The following TMEM132B variants were observed in gnomAD, a reference collection of about 807,000 sequenced individuals.
TMEM132B encodes transmembrane protein 132B.
Under a neutral mutation model 90.8 loss-of-function variants are expected in TMEM132B, and 18 were observed. That is an observed-to-expected ratio of 0.20 (90% confidence interval 0.14 to 0.29). The LOEUF (loss-of-function observed/expected upper bound fraction) is 0.29, where lower values mean the gene tolerates loss of function less well. Among genes scored for constraint, TMEM132B ranks in the 10% least tolerant of loss-of-function variants. TMEM132B has a pLI of 1.00. For missense variants in TMEM132B, 1,096 were observed against 1,326.8 expected (o/e 0.83, Z 2.70); for synonymous variants, 504 against 523.3 (o/e 0.96, Z 0.50).
At chr12:125,205,981 C>G (rs1469104254) in intron 1 of TMEM132B, among the ~76,000 whole-genome samples, 1 of 152,142 alleles carries the variant, frequency 6.6e-6, no homozygotes, top group East Asian at 1.9e-4. Context: ...TCTAACCCTC[C>G]TGAATCTGGT....
intron 5 of TMEM132B, among the ~76,000 whole-genome samples, chr12:125,619,914 A>C (rs1363598201): frequency 6.6e-6 from 1 of 152,192 alleles, no homozygotes; most frequent in Non-Finnish European, 1.5e-5. Context: ...CCTCTGTATG[A>C]GGAGTTGCCA....
Position 125,496,725 on chromosome 12 carries a change from G to A in TMEM132B, c.1107-22714G>A, listed in dbSNP as rs191844942. ...GCCTTCATTCTCAGGTGCTCTTCAC[G>A]TGCTGGGAGCTTACCTCCTGCTAGT... is the stretch of plus-strand genomic sequence containing the variant. On this transcript the variant is annotated intron_variant, in intron 3 of 8. Transcript: ENST00000682704. Among the ~76,000 whole-genome samples, 9 of 152,262 alleles carry A rather than the reference G, an allele frequency of 5.9e-5. No homozygotes were observed. In the East Asian group the frequency reaches 7.8e-4, roughly 13 times the overall value.
intron 2 of TMEM132B, among the ~76,000 whole-genome samples, chr12:125,414,797 G>C (rs1433124102): frequency 6.6e-6 from 1 of 152,170 alleles, no homozygotes; most frequent in Non-Finnish European, 1.5e-5. Flanking sequence ...CATGGATGTT[G>C]TCCGTGGACT....
At chr12:125,307,554 T>C (rs993697268) in intron 1 of TMEM132B, among the ~76,000 whole-genome samples, 8 of 151,932 alleles carry the variant, frequency 5.3e-5, no homozygotes, top group African/African-American at 1.9e-4. Context: ...AAAAGCGAGA[T>C]AGGGTGTGCT....
intron 5 of TMEM132B, among the ~76,000 whole-genome samples, chr12:125,602,753 G>A (rs1335857722): frequency 6.6e-6 from 1 of 152,180 alleles, no homozygotes; most frequent in Non-Finnish European, 1.5e-5. Context: ...AAGCTGATAA[G>A]CAACTTCAGC....
chr12:125,543,355 C>T (rs1467662759), intron 4 of TMEM132B, among the ~76,000 whole-genome samples: 1 of 152,110 alleles, frequency 6.6e-6, no homozygotes, highest in Non-Finnish European at 1.5e-5. Flanking sequence ...ATAAACAATA[C>T]AAATTTAAAA....
intron 1 of TMEM132B, among the ~76,000 whole-genome samples, chr12:125,191,959 G>A (rs557129478): frequency 6.6e-5 from 10 of 152,288 alleles, no homozygotes; most frequent in African/African-American, 2.4e-4. Flanking sequence ...GTGCTGATGC[G>A]TGAGGCTGTT....
chr12:125,623,236 A>G (rs1886154837), intron 5 of TMEM132B, among the ~76,000 whole-genome samples: 1 of 152,186 alleles, frequency 6.6e-6, no homozygotes, highest in African/African-American at 2.4e-5. Flanking sequence ...AAATCTCCCT[A>G]TGCCATGAAA....
intron 1 of TMEM132B, among the ~76,000 whole-genome samples, chr12:125,257,127 C>T (rs1874454685): frequency 6.6e-6 from 1 of 152,074 alleles, no homozygotes; most frequent in Non-Finnish European, 1.5e-5. Flanking sequence ...CACTGGGAAA[C>T]ATAGCAAGAC....
At chr12:125,431,861 T>G (rs1012504452) in intron 3 of TMEM132B, among the ~76,000 whole-genome samples, 1 of 152,112 alleles carries the variant, frequency 6.6e-6, no homozygotes, top group African/African-American at 2.4e-5. Flanking sequence ...GGTCATGGGA[T>G]TCTTAGGGCT....
chr12:125,490,068 A>T lies in TMEM132B; in HGVS notation c.1107-29371A>T, dbSNP rs1467289096. Among the ~76,000 whole-genome samples the T allele has an allele frequency of 6.6e-6, 1 of 152,190 alleles. No individual in the cohort carries two copies. Among genetic ancestry groups the T allele is most frequent in the Non-Finnish European group, 1.5e-5 (1 of 68,016 alleles). On this transcript the variant is annotated intron_variant, in intron 3 of 8. Coordinates refer to ENST00000682704, the MANE Select transcript of TMEM132B (RefSeq NM_001366854.1). This position sits in a 1 kb window ranked among gnomAD's most constrained non-coding sequence, Gnocchi z 4.2. ...AAATTCCACGTATGATGTTTTAGTT[A>T]TGTTGGGGGGAGTTACTCCAGAGAT...
chr12:125,440,571 C>T (rs1393156600), intron 3 of TMEM132B, among the ~76,000 whole-genome samples: 1 of 152,104 alleles, frequency 6.6e-6, no homozygotes, highest in Non-Finnish European at 1.5e-5. Flanking sequence ...CCTTGCATCT[C>T]CCCCCTGATT....
intron 4 of TMEM132B, among the ~76,000 whole-genome samples, chr12:125,530,384 G>A (rs1393119531): frequency 4.6e-5 from 7 of 152,050 alleles, no homozygotes; most frequent in Admixed American, 1.3e-4. Context: ...CATCTGGTTT[G>A]GGGGTGGGAA....
intron 1 of TMEM132B, among the ~76,000 whole-genome samples, chr12:125,261,816 T>C (rs1874574055): frequency 6.6e-6 from 1 of 152,092 alleles, no homozygotes; most frequent in African/African-American, 2.4e-5. Context: ...TTATTTCCCC[T>C]AAGCAGGAGA....
chr12:125,195,394 GTTTTTTTTT>G (rs36005995), intron 1 of TMEM132B, among the ~76,000 whole-genome samples: 1 of 89,906 alleles, frequency 1.1e-5, no homozygotes, highest in Admixed American at 1.5e-4. Flanking sequence ...GGGTTTGCGG[GTTTTTTTTT>G]TTTTTTTTTT....
chr12:125,203,355 C>G (rs1873109129), intron 1 of TMEM132B, among the ~76,000 whole-genome samples: 1 of 152,172 alleles, frequency 6.6e-6, no homozygotes, highest in Admixed American at 6.5e-5. Context: ...CCCCTAGAGG[C>G]AGTGCACAGC....
chr12:125,315,584 A>G (rs994082005), intron 1 of TMEM132B, among the ~76,000 whole-genome samples: 1 of 152,156 alleles, frequency 6.6e-6, no homozygotes, highest in African/African-American at 2.4e-5. Flanking sequence ...AATCCTCATG[A>G]TAGCCCCGAT....
At chr12:125,467,578 G>A (rs1881600216) in intron 3 of TMEM132B, among the ~76,000 whole-genome samples, 1 of 152,166 alleles carries the variant, frequency 6.6e-6, no homozygotes, top group Admixed American at 6.5e-5. Flanking sequence ...GTGAAGAAAT[G>A]CTTTTGTTTT....
chr12:125,520,311 T>C (rs1269404747), intron 4 of TMEM132B, among the ~76,000 whole-genome samples: 1 of 152,174 alleles, frequency 6.6e-6, no homozygotes, highest in African/African-American at 2.4e-5. Context: ...TTAATACCCT[T>C]TTCCACACTG....
Sources: gnomAD v4.1 joint callset for allele counts (sites outside exome capture counted in the v4.1 genomes callset) on GRCh38, gnomAD v4.1.1 for gene constraint, Gnocchi (gnomAD v3.1) non-coding constraint, MANE v1.5 for transcripts, NCBI Gene and HGNC (gene_info 2026-07-23, HGNC 2026-07-21) for gene names.